Variants in RNF144B observed in about 807,000 individuals in gnomAD.
RNF144B encodes ring finger protein 144B.
A neutral mutation model predicts 40.2 loss-of-function variants in RNF144B; 25 were observed. The observed-to-expected ratio is 0.62, with a 90% CI of 0.45 to 0.87. RNF144B has a LOEUF of 0.87. RNF144B is among the 40% of genes least tolerant of loss of function. The pLI is 0.00. For synonymous variants in RNF144B, 145 were observed against 136.3 expected (o/e 1.06, Z -0.44); for missense variants, 365 against 373.7 (o/e 0.98, Z 0.19).
rs1183278555 is a variant in RNF144B at position 18,398,112 on chromosome 6, GA to G, written c.-36-1378del. On this transcript the variant is annotated intron_variant, in intron 1 of 7. Coordinates refer to ENST00000259939, the MANE Select transcript of RNF144B (RefSeq NM_182757.4). This position sits in a 1 kb window ranked among gnomAD's most constrained non-coding sequence, Gnocchi z 5.0. ...CAACAGAGAGAGACCCTTTCTCTAG[GA>G]AAAAAAAACCCCACAAACAGTAACT... is the stretch of plus-strand genomic sequence containing the variant. Among the ~76,000 whole-genome samples the G allele has an allele frequency of 2.0e-5, 3 of 150,392 alleles. No homozygotes were observed. Among genetic ancestry groups the G allele is most frequent in the South Asian group, 2.1e-4 (1 of 4,760 alleles).
rs1191251614 is a variant in RNF144B at position 18,439,716 on chromosome 6, A to C, written c.303A>C (p.Gln101His). 1 of 1,612,686 alleles carries C rather than the reference A, an allele frequency of 6.2e-7. No individual in the cohort carries two copies. The highest frequency in any genetic ancestry group is 1.1e-5 in the South Asian group (1 of 91,034). Residue 101 changes from glutamine (Q) to histidine (H), a missense_variant, in exon 4 of 8, where the codon CAA (glutamine) becomes CAC (histidine). Coordinates refer to ENST00000259939, the MANE Select transcript of RNF144B (RefSeq NM_182757.4). ...GTTTGGTACCTGTGGACCAGTTTCA[A>C]CTTTATCAGAGGTTAAAATTTGAAA... ...IACLVPVDQF[Q>H]LYQRLKFERE...
At chr6:18,439,766 C>G (rs1384626228) in intron 4 of RNF144B, 22 bp downstream of exon 4, 1 of 1,527,440 alleles carries the variant, frequency 6.5e-7, no homozygotes, top group Non-Finnish European at 9.1e-7. Flanking sequence ...TCTTTTTTTC[C>G]TGATGATGAA....
In RNF144B at chr6:18,400,845, G is replaced by A. The variant is rs1794790717; in HGVS notation, c.165+1146G>A. Among the ~76,000 whole-genome samples, 1 of 152,128 alleles carries A rather than the reference G, an allele frequency of 6.6e-6. No individual in the cohort carries two copies. Among genetic ancestry groups the A allele is most frequent in the South Asian group, 2.1e-4 (1 of 4,826 alleles). Reference sequence around the variant, plus strand: ...GGGCTTAGAGGATGTTGCTGTTTTAGGTAGGGGGATCAGAAGTAGGCCTTG... The same window carrying A: ...GGGCTTAGAGGATGTTGCTGTTTTAAGTAGGGGGATCAGAAGTAGGCCTTG... On this transcript the variant is annotated intron_variant, in intron 2 of 7. Coordinates refer to ENST00000259939, the MANE Select transcript of RNF144B (RefSeq NM_182757.4). This position sits in a 1 kb window ranked among gnomAD's most constrained non-coding sequence, Gnocchi z 5.6.
In RNF144B at chr6:18,400,972, G is replaced by A. The variant is rs1794792457; in HGVS notation, c.165+1273G>A. ...GCCTTGTCATCTCAGAGCAACTTCA[G>A]TTTCCTTTGGTCTTGCTTTGTTTCT... On this transcript the variant is annotated intron_variant, in intron 2 of 7. Coordinates refer to ENST00000259939, the MANE Select transcript of RNF144B (RefSeq NM_182757.4). This position sits in a 1 kb window ranked among gnomAD's most constrained non-coding sequence, Gnocchi z 5.6. Among the ~76,000 whole-genome samples, 1 of 152,176 alleles carries A rather than the reference G, an allele frequency of 6.6e-6. No homozygotes were observed. The highest frequency in any genetic ancestry group is 2.4e-5 in the African/African-American group (1 of 41,434).
In RNF144B at chr6:18,432,237, C is replaced by T. The variant is rs72832459; in HGVS notation, c.270+4552C>T. ...AAGCATCTGAAGATTTTGGTATCTG[C>T]GGGAGGTCCTGGAACCAGTGCCCTT... On this transcript the variant is annotated intron_variant, in intron 3 of 7. Transcript: ENST00000259939. Among the ~76,000 whole-genome samples the T allele has an allele frequency of 9.1e-3, 1,392 of 152,180 alleles. 12 individuals are homozygous for T. The highest frequency in any genetic ancestry group is 0.024 in the Admixed American group (371 of 15,274).
chr6:18,396,543 A>G (rs1794698174), intron 1 of RNF144B: 1 of 985,252 alleles, frequency 1.0e-6, no homozygotes, highest in South Asian at 4.7e-5. Flanking sequence ...AGTGTATTTG[A>G]CATTTGGGGT....
chr6:18,467,153 A>C lies in RNF144B; in HGVS notation c.*2086A>C, dbSNP rs1759587219. On this transcript the variant is annotated 3_prime_UTR_variant, in exon 8 of 8. Coordinates refer to ENST00000259939, the MANE Select transcript of RNF144B (RefSeq NM_182757.4). ...TCAGGGGATTACGAGAACTCAACTG[A>C]AACTGAATTTTTGTAACAAGAATGT... 6.6e-6 allele frequency: 1 copy of C among 152,634 alleles called. No individual in the cohort carries two copies. The highest frequency in any genetic ancestry group is 1.5e-5 in the Non-Finnish European group (1 of 68,038). The allele number at this position is 152,634 out of a possible 1,614,324, so 9.5% of individuals were successfully genotyped here.
In RNF144B at chr6:18,422,307, C is replaced by G. The variant is rs1758443931; in HGVS notation, c.166-5274C>G. 1.3e-5 allele frequency among the ~76,000 whole-genome samples: 2 copies of G among 152,134 alleles called. No individual in the cohort carries two copies. Among genetic ancestry groups the G allele is most frequent in the African/African-American group, 4.8e-5 (2 of 41,414 alleles). ...AGATCATAGTCTGAAGTGGAATAAG[C>G]AGAATGTTGTTCTCAGTGTGAGATG... On this transcript the variant is annotated intron_variant, in intron 2 of 7. Transcript: ENST00000259939. The surrounding 1 kb of genome is among the most constrained non-coding windows in gnomAD (Gnocchi z 4.7).
In RNF144B at chr6:18,457,154, G is replaced by A. The variant is rs1461261834; in HGVS notation, c.332-1G>A. The A allele has an allele frequency of 2.5e-6, 4 of 1,611,202 alleles. No individual in the cohort carries two copies. The highest frequency in any genetic ancestry group is 3.4e-6 in the Non-Finnish European group (4 of 1,177,976). On this transcript the variant is annotated splice_acceptor_variant, in intron 4 of 7. Coordinates refer to ENST00000259939, the MANE Select transcript of RNF144B (RefSeq NM_182757.4). LOFTEE classifies it high-confidence loss of function. This position sits in a 1 kb window ranked among gnomAD's most constrained non-coding sequence, Gnocchi z 5.1. The stretch of plus-strand genomic sequence containing the variant: ...TCACATTTTCTTTCTTTACACTTTA[G>A]AAGTTCATCTGGACCCCTACCGAAC...
At chr6:18,452,225 C>G (rs1324282979) in intron 4 of RNF144B, among the ~76,000 whole-genome samples, 1 of 152,220 alleles carries the variant, frequency 6.6e-6, no homozygotes, top group East Asian at 1.9e-4. Flanking sequence ...CATCCCCTCA[C>G]TGTTTCAGGT....
intron 2 of RNF144B, among the ~76,000 whole-genome samples, chr6:18,417,496 A>C (rs1255926690): frequency 3.3e-5 from 5 of 152,212 alleles, no homozygotes; most frequent in Non-Finnish European, 5.9e-5. Context: ...GTTTTTCAGC[A>C]AATGGTGCTG....
At chr6:18,415,552 C>T (rs1795134161) in intron 2 of RNF144B, among the ~76,000 whole-genome samples, 1 of 152,178 alleles carries the variant, frequency 6.6e-6, no homozygotes, top group South Asian at 2.1e-4. Context: ...ACTTAATCAC[C>T]TCCCGTGGGG....
In RNF144B at chr6:18,422,864, G is replaced by A. The variant is rs962963392; in HGVS notation, c.166-4717G>A. On this transcript the variant is annotated intron_variant, in intron 2 of 7. Transcript: ENST00000259939. The surrounding 1 kb of genome is among the most constrained non-coding windows in gnomAD (Gnocchi z 4.7). The stretch of plus-strand genomic sequence containing the variant: ...CCTCAGCTACTGAGGAGCTGAGGTG[G>A]GAGGATCACTGAACCCAGGAGTTTG... Among the ~76,000 whole-genome samples the A allele has an allele frequency of 1.3e-5, 2 of 151,860 alleles. No homozygotes were observed. Among genetic ancestry groups the A allele is most frequent in the African/African-American group, 4.8e-5 (2 of 41,312 alleles).
In RNF144B at chr6:18,395,989, C is replaced by G. The variant is rs1794686783; in HGVS notation, c.-36-3510C>G. On this transcript the variant is annotated intron_variant, in intron 1 of 7. Transcript: ENST00000259939. The surrounding 1 kb of genome is among the most constrained non-coding windows in gnomAD (Gnocchi z 4.5). ...AATATGTAACTTTTTTCCTCTATGT[C>G]ACTGAGTCATAAGTCCTGCCTTTTT... 6.6e-6 allele frequency among the ~76,000 whole-genome samples: 1 copy of G among 152,160 alleles called. No homozygotes were observed. The highest frequency in any genetic ancestry group is 2.4e-5 in the African/African-American group (1 of 41,432).
Position 18,399,674 on chromosome 6 carries a change from A to G in RNF144B, c.140A>G (p.Glu47Gly). The change falls in exon 2 of 8, where the codon GAA (glutamate) becomes GGA (glycine). Residue 47 changes from glutamate to glycine, a missense_variant. Glu to Gly is a moderately conservative substitution (Grantham distance 98). Coordinates refer to ENST00000259939, the MANE Select transcript of RNF144B (RefSeq NM_182757.4). ...QSLDKMTTLQ[E>G]CQCIFCTACL... ...CTGGACAAGATGACCACACTCCAGG[A>G]ATGCCAGTGCATCTTTTGCACAGCT... 1 of 1,614,066 alleles carries G rather than the reference A, an allele frequency of 6.2e-7. No homozygotes were observed. Among genetic ancestry groups the G allele is most frequent in the Non-Finnish European group, 8.5e-7 (1 of 1,179,952 alleles).
At chr6:18,421,321 TATAAA>T (rs1562047456) in intron 2 of RNF144B, among the ~76,000 whole-genome samples, 1 of 145,790 alleles carries the variant, frequency 6.9e-6, no homozygotes, top group African/African-American at 2.6e-5. Context: ...CACACATATA[TATAAA>T]ATAAAATTAC....
rs1554182753 is a variant in RNF144B at position 18,467,408 on chromosome 6, T to TTTTTG, written c.*2345_*2346insGTTTT. 6.8e-6 allele frequency: 1 copy of TTTTTG among 146,574 alleles called. No individual in the cohort carries two copies. The highest frequency in any genetic ancestry group is 6.8e-5 in the Admixed American group (1 of 14,616). The allele number at this position is 146,574 out of a possible 1,614,324, so 9.1% of individuals were successfully genotyped here. ...CTGAATTAGCTGCTTTTGTTTTTTTTTTTTTTTTTTTGCCAGGGCTATGGA... is the reference window on the plus strand; with the variant it reads ...CTGAATTAGCTGCTTTTGTTTTTTTTTTTTGTTTTTTTTTTTGCCAGGGCTATGGA... On this transcript the variant is annotated 3_prime_UTR_variant, in exon 8 of 8. Transcript: ENST00000259939.
At position 18,444,798 on chromosome 6, in the gene RNF144B, A is replaced by G. The variant is rs371330179; in HGVS notation, c.331+5054A>G. ...CTATCCTATGCCAGGTGCCATTCCA[A>G]TGCTTCTTCAAGCTGTGGTTCCATC... On this transcript the variant is annotated intron_variant, in intron 4 of 7. Transcript: ENST00000259939. This position sits in a 1 kb window ranked among gnomAD's most constrained non-coding sequence, Gnocchi z 4.3. Among the ~76,000 whole-genome samples the G allele has an allele frequency of 2.0e-5, 3 of 152,260 alleles. No individual in the cohort carries two copies. Among genetic ancestry groups the G allele is most frequent in the African/African-American group, 4.8e-5 (2 of 41,550 alleles).
At position 18,450,612 on chromosome 6, in the gene RNF144B, G is replaced by A. The variant is rs1186452731; in HGVS notation, c.332-6543G>A. Among the ~76,000 whole-genome samples, 4 of 152,130 alleles carry A rather than the reference G, an allele frequency of 2.6e-5. No individual in the cohort carries two copies. Among genetic ancestry groups the A allele is most frequent in the Non-Finnish European group, 5.9e-5 (4 of 68,018 alleles). On this transcript the variant is annotated intron_variant, in intron 4 of 7. Transcript: ENST00000259939. This position sits in a 1 kb window ranked among gnomAD's most constrained non-coding sequence, Gnocchi z 4.7. Reference sequence around the variant, plus strand: ...CCACACCCAGCTGAGTTTCTAAGGTGTAAATATTAATACTTCCACCATGGC... The same window carrying A: ...CCACACCCAGCTGAGTTTCTAAGGTATAAATATTAATACTTCCACCATGGC...
Sources: allele counts gnomAD v4.1 joint callset (sites outside exome capture counted in the v4.1 genomes callset), GRCh38; gene constraint gnomAD v4.1.1; non-coding constraint Gnocchi (gnomAD v3.1); transcripts MANE v1.5; gene names NCBI Gene and HGNC (gene_info 2026-07-23, HGNC 2026-07-21).